ITGA9: variants seen among roughly 807,000 people sequenced by gnomAD.
The protein encoded by ITGA9 is integrin subunit alpha 9.
In ITGA9, 56 loss-of-function variants were observed where a neutral mutation model predicts 127.8. The observed-to-expected ratio is 0.44, with a 90% CI of 0.35 to 0.55. The LOEUF is 0.55. Ranked by LOEUF, ITGA9 falls within the 20% of genes least tolerant of loss-of-function variation. The probability of loss-of-function intolerance (pLI) is 0.00; values close to 1 mark genes in which losing one functional copy is unlikely to be tolerated. For synonymous variants in ITGA9, 508 were observed against 514.5 expected (o/e 0.99, Z 0.17); for missense variants, 1,196 against 1,347.1 (o/e 0.89, Z 1.76).
At chr3:37,509,191 A>G (rs1202648301) in intron 8 of ITGA9, among the ~76,000 whole-genome samples, 1 of 152,128 alleles carries the variant, frequency 6.6e-6, no homozygotes, top group Non-Finnish European at 1.5e-5. Flanking sequence ...CCTGGGTGAG[A>G]TTACTCTGCC....
At chr3:37,653,847 G>A in intron 17 of ITGA9, 57 bp downstream of exon 17, 1 of 1,273,886 alleles carries the variant, frequency 7.9e-7, no homozygotes, top group Admixed American at 1.7e-5. Context: ...TTGACCCCAG[G>A]TCCCAAACCT....
intron 15 of ITGA9, among the ~76,000 whole-genome samples, chr3:37,626,648 C>T (rs779061344): frequency 3.5e-4 from 53 of 152,300 alleles, no homozygotes; most frequent in Non-Finnish European, 6.6e-4. Flanking sequence ...TGTCCCACTT[C>T]TGGGAAACAG....
rs569388806 is a variant in ITGA9 at position 37,629,902 on chromosome 3, T to A, written c.1839+566T>A. On this transcript the variant is annotated intron_variant, in intron 16 of 27. Coordinates refer to ENST00000264741, the MANE Select transcript of ITGA9 (RefSeq NM_002207.3). This position sits in a 1 kb window ranked among gnomAD's most constrained non-coding sequence, Gnocchi z 4.5. ...CACTCGTATGAAGTAGGAGTGAGCC[T>A]GTGCCTGATTTTGTGCAGCAGCGCT... is the stretch of plus-strand genomic sequence containing the variant. Among the ~76,000 whole-genome samples, 57 of 152,226 alleles carry A rather than the reference T, an allele frequency of 3.7e-4. No individual in the cohort carries two copies. Among genetic ancestry groups the A allele is most frequent in the Non-Finnish European group, 7.2e-4 (49 of 68,036 alleles).
rs571880807 is a variant in ITGA9 at position 37,567,158 on chromosome 3, G to C, written c.1689+24573G>C. On this transcript the variant is annotated intron_variant, in intron 15 of 27. Transcript: ENST00000264741. ...TGAACGCACAGTTCCACATGACTGG[G>C]GAAGCCTTGCAATCATAGCAGAAAG... Among the ~76,000 whole-genome samples, 10 of 152,328 alleles carry C rather than the reference G, an allele frequency of 6.6e-5. No homozygotes were observed. In the South Asian group the frequency reaches 1.9e-3, roughly 28 times the overall value.
chr3:37,712,137 G>A (rs1701086386), intron 18 of ITGA9, among the ~76,000 whole-genome samples: 3 of 152,112 alleles, frequency 2.0e-5, no homozygotes, highest in African/African-American at 4.8e-5. Flanking sequence ...GGCAGGAGCT[G>A]TATTGGGCAC....
At chr3:37,640,299 G>A (rs1700320122) in intron 16 of ITGA9, among the ~76,000 whole-genome samples, 1 of 152,186 alleles carries the variant, frequency 6.6e-6, no homozygotes, top group South Asian at 2.1e-4. Context: ...GAGGAATGAG[G>A]CGGAATAGGA....
At chr3:37,467,363 A>G (rs1245734483) in intron 1 of ITGA9, among the ~76,000 whole-genome samples, 1 of 152,172 alleles carries the variant, frequency 6.6e-6, no homozygotes, top group Non-Finnish European at 1.5e-5. Context: ...TTGGGCTTGG[A>G]AGGAAATAAT....
At chr3:37,724,061 A>G (rs1268073681) in intron 18 of ITGA9, among the ~76,000 whole-genome samples, 1 of 152,210 alleles carries the variant, frequency 6.6e-6, no homozygotes, top group African/African-American at 2.4e-5. Context: ...CTGCTGTATC[A>G]TTCAGAAGCT....
At chr3:37,512,028 CTTT>C (rs1443122331) in intron 8 of ITGA9, among the ~76,000 whole-genome samples, 6 of 24,264 alleles carry the variant, frequency 2.5e-4, no homozygotes, top group African/African-American at 5.5e-4. Flanking sequence ...CTTTTCTTTT[CTTT>C]CTTTCTTTCT....
rs376200271 is a variant in ITGA9, at chr3:37,465,801, C to T, written c.186-5206C>T. ...AGAGTTCTCACTTCAGAGCTGCCCT[C>T]AAAGGCTCACTGGGGCTTGCTCAGG... On this transcript the variant is annotated intron_variant, in intron 1 of 27. Coordinates refer to ENST00000264741, the MANE Select transcript of ITGA9 (RefSeq NM_002207.3). 4.7e-4 allele frequency among the ~76,000 whole-genome samples: 72 copies of T among 152,260 alleles called. 1 individual carries two copies. Among genetic ancestry groups the T allele is most frequent in the African/African-American group, 1.6e-3 (67 of 41,548 alleles).
chr3:37,504,048 G>C (rs766857418), intron 6 of ITGA9, among the ~76,000 whole-genome samples: 5 of 152,212 alleles, frequency 3.3e-5, no homozygotes, highest in Non-Finnish European at 7.3e-5. Context: ...AACTTACAGG[G>C]AAAGGCCCTG....
intron 5 of ITGA9, among the ~76,000 whole-genome samples, chr3:37,497,364 C>G (rs1054127645): frequency 2.0e-5 from 3 of 149,440 alleles, no homozygotes; most frequent in Non-Finnish European, 4.4e-5. Flanking sequence ...CTAAACTTAT[C>G]TCTTAAGAAG....
At chr3:37,585,584 G>A (rs1219060278) in intron 15 of ITGA9, 1 of 510,914 alleles carries the variant, frequency 2.0e-6, no homozygotes, top group Admixed American at 1.9e-5. Context: ...CAATTATGGG[G>A]GTTTTATCTC....
rs1232702233 is a variant in ITGA9 at position 37,811,837 on chromosome 3, C to T, written c.3010-7054C>T. Among the ~76,000 whole-genome samples, 3 of 152,216 alleles carry T rather than the reference C, an allele frequency of 2.0e-5. No individual in the cohort carries two copies. The East Asian group carries it at 5.8e-4, about 29-fold the overall frequency. ...AGAGACAGGCTGCAGAATGTGTTTG[C>T]CAGCCCTCTGAAAAGGGCTGCCTCA... is the stretch of plus-strand genomic sequence containing the variant. On this transcript the variant is annotated intron_variant, in intron 27 of 27. Coordinates refer to ENST00000264741, the MANE Select transcript of ITGA9 (RefSeq NM_002207.3).
rs138538801 is a variant in ITGA9, at chr3:37,681,400, G to T, written c.1917-2465G>T. Among the ~76,000 whole-genome samples, 180 of 152,158 alleles carry T rather than the reference G, an allele frequency of 1.2e-3. 1 individual carries two copies. Among genetic ancestry groups the T allele is most frequent in the Middle Eastern group, 6.8e-3 (2 of 294 alleles). On this transcript the variant is annotated intron_variant, in intron 17 of 27. Coordinates refer to ENST00000264741, the MANE Select transcript of ITGA9 (RefSeq NM_002207.3). ...GCAACCCTCAAAATTTGTAGCCCTG[G>T]GTGGGAGCATCTGTTCTCACATCGC... is the stretch of plus-strand genomic sequence containing the variant.
intron 23 of ITGA9, among the ~76,000 whole-genome samples, chr3:37,766,839 G>T (rs950744942): frequency 6.6e-6 from 1 of 151,410 alleles, no homozygotes; most frequent in African/African-American, 2.4e-5. Flanking sequence ...TTTATGTATC[G>T]CTTTTTCACT....
chr3:37,709,285 G>A (rs2125677591), intron 18 of ITGA9, among the ~76,000 whole-genome samples: 1 of 152,324 alleles, frequency 6.6e-6, no homozygotes, highest in East Asian at 1.9e-4. Flanking sequence ...GACCTGGCAT[G>A]TGAAGCTGGC....
chr3:37,650,743 C>A (rs1403014769), intron 16 of ITGA9, among the ~76,000 whole-genome samples: 1 of 152,088 alleles, frequency 6.6e-6, no homozygotes, highest in East Asian at 1.9e-4. Flanking sequence ...ACCATCCACA[C>A]CCAGCCCCAC....
At chr3:37,611,494 T>C (rs6550491) in intron 15 of ITGA9, among the ~76,000 whole-genome samples, 108,828 of 151,958 alleles carry the variant, frequency 0.72, 39,301 homozygotes, top group East Asian at 0.8. Flanking sequence ...GTAGAACAGA[T>C]TATAAGAAAG....
Sources: gnomAD v4.1 joint callset for allele counts (sites outside exome capture counted in the v4.1 genomes callset) on GRCh38, gnomAD v4.1.1 for gene constraint, Gnocchi (gnomAD v3.1) non-coding constraint, MANE v1.5 for transcripts, NCBI Gene and HGNC (gene_info 2026-07-23, HGNC 2026-07-21) for gene names.